FGF14: variants seen among roughly 807,000 people sequenced by gnomAD.
FGF14 encodes fibroblast growth factor 14, also known as fibroblast growth factor homologous factor 4.
FGF14 carries 5 observed loss-of-function variants against 25.5 expected under a neutral mutation model. The observed-to-expected ratio is 0.20, with a 90% CI of 0.10 to 0.41. The LOEUF (loss-of-function observed/expected upper bound fraction) is 0.41, where lower values mean the gene tolerates loss of function less well. Among genes scored for constraint, FGF14 ranks in the 10% least tolerant of loss-of-function variants. The pLI, the probability that FGF14 is intolerant of heterozygous loss-of-function variation, is 1.00. For synonymous variants in FGF14, 138 were observed against 118.3 expected (o/e 1.17, Z -1.08); for missense variants, 222 against 320.1 (o/e 0.69, Z 2.34).
At chr13:102,038,207 G>A (rs1210367437) in intron 1 of FGF14, among the ~76,000 whole-genome samples, 1 of 152,032 alleles carries the variant, frequency 6.6e-6, no homozygotes, top group Non-Finnish European at 1.5e-5. Context: ...GAATGGGTTT[G>A]GATCAACCAC....
At chr13:102,370,515 A>G (rs2057847855) in intron 1 of FGF14, among the ~76,000 whole-genome samples, 2 of 152,056 alleles carry the variant, frequency 1.3e-5, no homozygotes, top group South Asian at 2.1e-4. Context: ...CCTCCTGAGT[A>G]GCTGGGATTA....
intron 1 of FGF14, among the ~76,000 whole-genome samples, chr13:102,011,955 A>C (rs1236592952): frequency 2.0e-5 from 3 of 152,188 alleles, no homozygotes; most frequent in African/African-American, 7.2e-5. Flanking sequence ...CATGAATGGT[A>C]ATTTGTGGTA....
chr13:102,157,180 A>G (rs543528115), intron 1 of FGF14, among the ~76,000 whole-genome samples: 1 of 152,202 alleles, frequency 6.6e-6, no homozygotes, highest in East Asian at 1.9e-4. Flanking sequence ...ATGGAACCAA[A>G]AAAGAGCCCA....
intron 1 of FGF14, among the ~76,000 whole-genome samples, chr13:102,157,318 C>A (rs1042160987): frequency 3.3e-5 from 5 of 152,104 alleles, no homozygotes; most frequent in East Asian, 1.9e-4. Context: ...AGATATAGAC[C>A]AATGGAACAG....
At chr13:101,847,537 T>G (rs1224130792) in intron 3 of FGF14, among the ~76,000 whole-genome samples, 1 of 152,144 alleles carries the variant, frequency 6.6e-6, no homozygotes, top group Non-Finnish European at 1.5e-5. Context: ...TGTGCATGTT[T>G]GTGATTAAGC....
intron 1 of FGF14, among the ~76,000 whole-genome samples, chr13:102,078,444 T>TA (rs139225950): frequency 0.035 from 5,293 of 150,902 alleles, 286 homozygotes; most frequent in African/African-American, 0.12. Flanking sequence ...ACACAAAAAA[T>TA]AAAAAACTTA....
At chr13:102,037,842 A>G (rs1000275743) in intron 1 of FGF14, among the ~76,000 whole-genome samples, 2 of 152,162 alleles carry the variant, frequency 1.3e-5, no homozygotes, top group African/African-American at 4.8e-5. Flanking sequence ...CCCAATGCAC[A>G]GCAAGTCAAC....
chr13:102,330,178 G>A (rs2056590505), intron 1 of FGF14, among the ~76,000 whole-genome samples: 1 of 152,138 alleles, frequency 6.6e-6, no homozygotes, highest in South Asian at 2.1e-4. Flanking sequence ...CTCCCTGTCT[G>A]CACTCAGCTC....
In FGF14 at chr13:101,761,734, T is replaced by C. The variant is rs9585775; in HGVS notation, c.409-34924A>G. Among the ~76,000 whole-genome samples the C allele has an allele frequency of 6.4e-3, 980 of 152,308 alleles. 9 individuals carry two copies. Among genetic ancestry groups the C allele is most frequent in the African/African-American group, 0.023 (943 of 41,568 alleles). On this transcript the variant is annotated intron_variant, in intron 3 of 4. Transcript: ENST00000376143. ...TATAAAAACATCACTATGTACTCCA[T>C]GAATATATACAATTATGATTTGTCA...
chr13:102,156,772 A>T (rs537942615), intron 1 of FGF14, among the ~76,000 whole-genome samples: 22 of 152,316 alleles, frequency 1.4e-4, no homozygotes, highest in African/African-American at 5.1e-4. Flanking sequence ...CCATTGTCTC[A>T]GCCCAAAATC....
intron 1 of FGF14, among the ~76,000 whole-genome samples, chr13:101,972,712 T>C (rs4611311): frequency 0.37 from 56,129 of 151,816 alleles, 10,809 homozygotes; most frequent in East Asian, 0.71. Flanking sequence ...TCTCGCTATA[T>C]TGCCCAGGCA....
intron 1 of FGF14, among the ~76,000 whole-genome samples, chr13:102,023,988 T>C (rs1053300793): frequency 1.3e-5 from 2 of 152,038 alleles, no homozygotes; most frequent in Non-Finnish European, 2.9e-5. Context: ...TAATATTCCA[T>C]TGTGTCGATC....
chr13:102,165,523 G>A (rs1212622789), intron 1 of FGF14, among the ~76,000 whole-genome samples: 1 of 151,704 alleles, frequency 6.6e-6, no homozygotes, highest in African/African-American at 2.4e-5. Context: ...CAGGGACATG[G>A]ATGAAGCTGG....
chr13:102,315,012 CATA>C (rs974882870), intron 1 of FGF14, among the ~76,000 whole-genome samples: 2 of 150,082 alleles, frequency 1.3e-5, no homozygotes, highest in African/African-American at 2.4e-5. Context: ...AAAAGATTCA[CATA>C]ATGTTACACA....
chr13:102,066,503 G>T (rs1227935864), intron 1 of FGF14, among the ~76,000 whole-genome samples: 1 of 152,106 alleles, frequency 6.6e-6, no homozygotes, highest in African/African-American at 2.4e-5. Flanking sequence ...GGATTTTTCA[G>T]CATCAAATGT....
At chr13:102,200,180 T>C (rs1428664854) in intron 1 of FGF14, among the ~76,000 whole-genome samples, 1 of 152,180 alleles carries the variant, frequency 6.6e-6, no homozygotes, top group East Asian at 1.9e-4. Flanking sequence ...TGTATATATT[T>C]ATATGCATAT....
At chr13:102,310,703 G>A (rs199654721) in intron 1 of FGF14, among the ~76,000 whole-genome samples, 3,016 of 65,088 alleles carry the variant, frequency 0.046, 350 homozygotes, top group East Asian at 0.15. Context: ...GTGTGGGGGG[G>A]GGGGGGTGGG....
intron 1 of FGF14, among the ~76,000 whole-genome samples, chr13:101,999,187 T>A (rs925070393): frequency 2.0e-5 from 3 of 152,212 alleles, no homozygotes; most frequent in Admixed American, 2.0e-4. Flanking sequence ...AAGAAGAATG[T>A]GCATTTTTAA....
chr13:102,310,804 G>A (rs1381565872), intron 1 of FGF14, among the ~76,000 whole-genome samples: 1 of 151,414 alleles, frequency 6.6e-6, no homozygotes, highest in Non-Finnish European at 1.5e-5. Flanking sequence ...CCTCCAGCAG[G>A]TCTGAAGTCC....
Sources: allele counts gnomAD v4.1 joint callset (sites outside exome capture counted in the v4.1 genomes callset), GRCh38; gene constraint gnomAD v4.1.1; transcripts MANE v1.5; gene names NCBI Gene and HGNC (gene_info 2026-07-23, HGNC 2026-07-21).